Variants in GRHL3 observed in about 807,000 individuals in gnomAD.
GRHL3 encodes grainyhead like transcription factor 3.
In GRHL3, 20 loss-of-function variants were observed where a neutral mutation model predicts 70.3. That is an observed-to-expected ratio of 0.28 (90% confidence interval 0.20 to 0.41). GRHL3 has a LOEUF of 0.41. Ranked by LOEUF, GRHL3 falls within the 10% of genes least tolerant of loss-of-function variation. GRHL3 has a pLI of 1.00. For synonymous variants in GRHL3, 299 were observed against 299.9 expected (o/e 1.00, Z 0.03); for missense variants, 637 against 762.3 (o/e 0.84, Z 1.94).
At position 24,330,412 on chromosome 1, in the gene GRHL3, C is replaced by T. The variant is rs139506190; in HGVS notation, c.18-1014C>T. ...GAGCTTGAATCCCCTCTGGGCCACT[C>T]ACTTACTGGGACCTTGGACAACTCT... On this transcript the variant is annotated intron_variant, in intron 1 of 15. Coordinates refer to ENST00000361548, the MANE Select transcript of GRHL3 (RefSeq NM_198173.3). 1.1e-4 allele frequency among the ~76,000 whole-genome samples: 17 copies of T among 152,310 alleles called. 1 individual carries two copies. The East Asian group carries it at 3.1e-3, about 28-fold the overall frequency.
downstream of GRHL3, among the ~76,000 whole-genome samples, chr1:24,359,405 C>T (rs1249136062): frequency 6.6e-6 from 1 of 152,236 alleles, no homozygotes; most frequent in African/African-American, 2.4e-5. This position sits in a 1 kb window ranked among gnomAD's most constrained non-coding sequence, Gnocchi z 5.3. Context: ...GAGCTCACCC[C>T]TTGTATGGAG....
intron 1 of GRHL3, among the ~76,000 whole-genome samples, chr1:24,326,624 G>C (rs759942732): frequency 6.6e-5 from 10 of 152,190 alleles, no homozygotes; most frequent in Non-Finnish European, 1.3e-4. Flanking sequence ...TCCCAGGACA[G>C]GTTCTGGCAC....
rs11382769 is a variant in GRHL3 at position 24,335,584 on chromosome 1, AT to A, written c.267-882del. Among the ~76,000 whole-genome samples, 78 of 142,884 alleles carry A rather than the reference AT, an allele frequency of 5.5e-4. 1 individual carries two copies. The highest frequency in any genetic ancestry group is 1.0e-3 in the Admixed American group (15 of 14,466). 93.7% of individuals were successfully genotyped at this position (142,884 alleles called of 152,430 possible). ...TACATGGGGACCTTTCTCAAAACTAATTTTTTTTTTTTTTTTGAGACGGAGT... is the reference window on the plus strand; with the variant it reads ...TACATGGGGACCTTTCTCAAAACTAATTTTTTTTTTTTTTTGAGACGGAGT... On this transcript the variant is annotated intron_variant, in intron 3 of 15. Coordinates refer to ENST00000361548, the MANE Select transcript of GRHL3 (RefSeq NM_198173.3).
chr1:24,339,109 T>C (rs548507910), intron 7 of GRHL3, among the ~76,000 whole-genome samples: 2 of 152,296 alleles, frequency 1.3e-5, no homozygotes, highest in African/African-American at 4.8e-5. Flanking sequence ...GATGAGACTA[T>C]TTGGCAAAGC....
chr1:24,336,872 C>A (rs1361641288), intron 4 of GRHL3, 45 bp downstream of exon 4: 1 of 1,431,754 alleles, frequency 7.0e-7, no homozygotes, highest in Non-Finnish European at 9.6e-7. Flanking sequence ...TATGTGTGTG[C>A]ATATACAGAA....
At position 24,336,668 on chromosome 1, in the gene GRHL3, C is replaced by A; in HGVS notation, c.453C>A (p.Gly151=). ...GCAAGGCAGCTCCCCTCCCTGCAGGCCCCAGCAAGCTGGAGGCCGGCTCTG... is the reference window on the plus strand; with the variant it reads ...GCAAGGCAGCTCCCCTCCCTGCAGGACCCAGCAAGCTGGAGGCCGGCTCTG... ...TPGKAAPLPA[G]PSKLEAGSVD... is the part of the protein sequence containing the mutation. The change falls in exon 4 of 16, where the codon GGC becomes GGA. Residue 151 remains glycine, a synonymous_variant. Transcript: ENST00000361548. 6.2e-7 allele frequency: 1 copy of A among 1,614,154 alleles called. No individual in the cohort carries two copies. Among genetic ancestry groups the A allele is most frequent in the East Asian group, 2.2e-5 (1 of 44,878 alleles).
At chr1:24,344,966 A>T in intron 12 of GRHL3, 35 bp downstream of exon 12, 1 of 1,516,184 alleles carries the variant, frequency 6.6e-7, no homozygotes, top group Non-Finnish European at 9.0e-7. Flanking sequence ...CTCCCTCCAC[A>T]CCTGTGCACC....
chr1:24,346,704 C>T (rs1640302052), intron 13 of GRHL3, 63 bp downstream of exon 13: 2 of 1,311,080 alleles, frequency 1.5e-6, no homozygotes, highest in East Asian at 2.4e-5. Flanking sequence ...CCCTCATGGG[C>T]TTTCCCAAAG....
At position 24,322,946 on chromosome 1, in the gene GRHL3, G is replaced by T; in HGVS notation, c.17+3378G>T. 1 of 706,820 alleles carries T rather than the reference G, an allele frequency of 1.4e-6. No homozygotes were observed. Among genetic ancestry groups the T allele is most frequent in the South Asian group, 1.8e-5 (1 of 55,920 alleles). The allele number at this position is 706,820 out of a possible 1,614,324, so 43.8% of individuals were successfully genotyped here. A position where few individuals can be genotyped will look rare whatever the true frequency, so the allele number is the denominator to read the frequency against. On this transcript the variant is annotated intron_variant, in intron 1 of 15. Transcript: ENST00000361548. This position sits in a 1 kb window ranked among gnomAD's most constrained non-coding sequence, Gnocchi z 4.4. ...CAGACCTGGTTCAGGCTTGCCCAAG[G>T]TCTCACGGAAGCACTGGGATCTTAA...
chr1:24,355,764 GA>G (rs1164409990), downstream of GRHL3, among the ~76,000 whole-genome samples: 4 of 152,332 alleles, frequency 2.6e-5, no homozygotes, highest in African/African-American at 9.6e-5. Flanking sequence ...TCCCAACTCT[GA>G]AGGAGTGTGG....
intron 3 of GRHL3, 51 bp from the exon 4 acceptor site, chr1:24,336,431 C>G: frequency 7.7e-7 from 1 of 1,293,646 alleles, no homozygotes; most frequent in Non-Finnish European, 1.1e-6. Context: ...GCCAAAGACC[C>G]CCCTTTACCC....
rs984131720 is a variant in GRHL3 at position 24,362,412 on chromosome 1, A to G, written c.1695-1773A>G. ...GGACTGAGTTTAAGGGTCACACACA[A>G]ACCTGAGGCTGAATTCTAGTCATGC... is the stretch of plus-strand genomic sequence containing the variant. On this transcript the variant is annotated intron_variant, in intron 15 of 15. Transcript: ENST00000350501. 2.0e-5 allele frequency among the ~76,000 whole-genome samples: 3 copies of G among 152,206 alleles called. 1 individual carries two copies. Among genetic ancestry groups the G allele is most frequent in the South Asian group, 4.1e-4 (2 of 4,824 alleles).
In GRHL3 at chr1:24,334,709, G is replaced by A; in HGVS notation, c.266+3G>A. On this transcript the variant is annotated splice_donor_region_variant and intron_variant, in intron 3 of 15. Coordinates refer to ENST00000361548, the MANE Select transcript of GRHL3 (RefSeq NM_198173.3). This position sits in a 1 kb window ranked among gnomAD's most constrained non-coding sequence, Gnocchi z 4.3. ...GGCAGGAATGACCAAGGAAAGAGGTGAGGCTTGCCAACACCCTCTGCCTCT... is the reference window on the plus strand; with the variant it reads ...GGCAGGAATGACCAAGGAAAGAGGTAAGGCTTGCCAACACCCTCTGCCTCT... 1 of 1,609,714 alleles carries A rather than the reference G, an allele frequency of 6.2e-7. No homozygotes were observed. Among genetic ancestry groups the A allele is most frequent in the Non-Finnish European group, 8.5e-7 (1 of 1,178,178 alleles).
intron 1 of GRHL3, among the ~76,000 whole-genome samples, chr1:24,325,904 G>C (rs752466444): frequency 6.6e-4 from 100 of 152,312 alleles, no homozygotes; most frequent in Admixed American, 7.8e-4. Context: ...CTGAGGAGGC[G>C]GCTCTGTGAA....
At chr1:24,352,137 A>G (rs1640538147) in intron 15 of GRHL3, among the ~76,000 whole-genome samples, 1 of 151,956 alleles carries the variant, frequency 6.6e-6, no homozygotes, top group South Asian at 2.1e-4. Context: ...TGAAAACATC[A>G]GCCCCAGGAC....
chr1:24,354,484 T>C lies in GRHL3; in HGVS notation c.1805T>C (p.Leu602Pro). The change falls in exon 16 of 16, where the codon CTG becomes CCG. Residue 602 changes from leucine (L) to proline (P), a missense_variant. Transcript: ENST00000361548. ...AAAATTCAGATCATCCTTAAGGAGC[T>C]GTAAGGCCTCTCGAGCATCCAAACC... ...DGKIQIILKEL is the reference protein window; with the variant it reads ...DGKIQIILKEP 6.2e-7 allele frequency: 1 copy of C among 1,606,322 alleles called. No individual in the cohort carries two copies. Among genetic ancestry groups the C allele is most frequent in the Non-Finnish European group, 8.5e-7 (1 of 1,173,106 alleles).
intron 4 of GRHL3, 81 bp from the exon 5 acceptor site, chr1:24,336,997 A>G (rs2148656331): frequency 9.5e-6 from 13 of 1,372,242 alleles, no homozygotes; most frequent in East Asian, 2.3e-5. Context: ...CAACCTGCAT[A>G]GCTGTAATGC....
intron 15 of GRHL3, among the ~76,000 whole-genome samples, chr1:24,350,451 C>G (rs1390738040): frequency 6.6e-6 from 1 of 152,196 alleles, no homozygotes; most frequent in Non-Finnish European, 1.5e-5. Flanking sequence ...ATTATAGTGA[C>G]CACCATCCCC....
rs79752520 is a variant in GRHL3 at position 24,320,667 on chromosome 1, C to T, written c.17+1099C>T. 9.7e-3 allele frequency among the ~76,000 whole-genome samples: 1,476 copies of T among 152,284 alleles called. 26 individuals carry two copies. Among genetic ancestry groups the T allele is most frequent in the African/African-American group, 0.032 (1,345 of 41,556 alleles). ...GCAGTGCTAGGTCCTGACTGCAGAC[C>T]GGATTCTATGTTCTAGCTAGCCCTT... On this transcript the variant is annotated intron_variant, in intron 1 of 15. Transcript: ENST00000361548.
Sources: allele counts gnomAD v4.1 joint callset (sites outside exome capture counted in the v4.1 genomes callset), GRCh38; gene constraint gnomAD v4.1.1; non-coding constraint Gnocchi (gnomAD v3.1); transcripts MANE v1.5; gene names NCBI Gene and HGNC (gene_info 2026-07-23, HGNC 2026-07-21).